HS6ST3: variants seen among roughly 807,000 people sequenced by gnomAD.
HS6ST3 encodes heparan sulfate 6-O-sulfotransferase 3, also known as heparan-sulfate 6-O-sulfotransferase 3.
A neutral mutation model predicts 36.7 loss-of-function variants in HS6ST3; 12 were observed. That is an observed-to-expected ratio of 0.33 (90% CI 0.21 to 0.53). The LOEUF (loss-of-function observed/expected upper bound fraction) is 0.53, where lower values mean the gene tolerates loss of function less well. Among genes scored for constraint, HS6ST3 ranks in the 20% least tolerant of loss-of-function variants. The pLI, the probability that HS6ST3 is intolerant of heterozygous loss-of-function variation, is 0.95. For synonymous variants in HS6ST3, 240 were observed against 257.5 expected (o/e 0.93, Z 0.65); for missense variants, 584 against 640.9 (o/e 0.91, Z 0.96).
intron 1 of HS6ST3, among the ~76,000 whole-genome samples, chr13:96,683,419 A>G (rs1018851200): frequency 2.6e-5 from 4 of 152,140 alleles, no homozygotes; most frequent in African/African-American, 9.6e-5. Flanking sequence ...CATTCTCTAA[A>G]GCAGTCTCTT....
intron 1 of HS6ST3, among the ~76,000 whole-genome samples, chr13:96,692,399 C>T (rs1459324265): frequency 6.6e-6 from 1 of 152,092 alleles, no homozygotes; most frequent in East Asian, 1.9e-4. Flanking sequence ...AAAGTCTGTG[C>T]ATGTTCACTA....
chr13:96,267,825 T>C (rs143520801), intron 1 of HS6ST3, among the ~76,000 whole-genome samples: 1 of 152,090 alleles, frequency 6.6e-6, no homozygotes, highest in Non-Finnish European at 1.5e-5. Context: ...GCAGTTATGT[T>C]GCTCCTGCTG....
intron 1 of HS6ST3, among the ~76,000 whole-genome samples, chr13:96,418,857 G>A (rs6491290): frequency 0.85 from 128,960 of 152,208 alleles, 55,092 homozygotes; most frequent in South Asian, 0.94. Context: ...GTCATTCCAC[G>A]CTTCAGAAAC....
intron 1 of HS6ST3, among the ~76,000 whole-genome samples, chr13:96,539,812 T>C (rs1043087497): frequency 2.0e-5 from 3 of 152,242 alleles, no homozygotes; most frequent in Admixed American, 2.0e-4. Context: ...AAAGCCACGG[T>C]GGCTTCCTTT....
chr13:96,792,298 A>G (rs1877809848), intron 1 of HS6ST3, among the ~76,000 whole-genome samples: 2 of 152,046 alleles, frequency 1.3e-5, no homozygotes, highest in East Asian at 3.9e-4. Context: ...TCTGAATTGG[A>G]AATGACGGTT....
chr13:96,738,266 A>C (rs1205544584), intron 1 of HS6ST3, among the ~76,000 whole-genome samples: 1 of 152,232 alleles, frequency 6.6e-6, no homozygotes, highest in African/African-American at 2.4e-5. Flanking sequence ...ATTGTCCATA[A>C]GATAACAATT....
intron 1 of HS6ST3, among the ~76,000 whole-genome samples, chr13:96,446,295 T>G (rs1212855991): frequency 6.6e-6 from 1 of 152,254 alleles, no homozygotes. Flanking sequence ...AGTTACATTT[T>G]TTTTTCAGAC....
At chr13:96,436,418 TAC>T (rs1347480748) in intron 1 of HS6ST3, among the ~76,000 whole-genome samples, 1 of 152,190 alleles carries the variant, frequency 6.6e-6, no homozygotes, top group African/African-American at 2.4e-5. Context: ...CACAGTACTG[TAC>T]ACAGTTACCA....
At chr13:96,196,985 G>A (rs2054317473) in intron 1 of HS6ST3, among the ~76,000 whole-genome samples, 1 of 152,156 alleles carries the variant, frequency 6.6e-6, no homozygotes, top group Non-Finnish European at 1.5e-5. Context: ...TTATATTTCT[G>A]GCTCTGCCAT....
At chr13:96,630,626 A>C (rs12429344) in intron 1 of HS6ST3, among the ~76,000 whole-genome samples, 1 of 151,692 alleles carries the variant, frequency 6.6e-6, no homozygotes, top group Non-Finnish European at 1.5e-5. Flanking sequence ...TCTTCCTCCT[A>C]TACCCTGACA....
chr13:96,163,290 T>C (rs1015863671), intron 1 of HS6ST3, among the ~76,000 whole-genome samples: 11 of 141,426 alleles, frequency 7.8e-5, no homozygotes, highest in South Asian at 4.6e-4. Flanking sequence ...AGTGCAGTGG[T>C]GCCATCTCGG....
intron 1 of HS6ST3, among the ~76,000 whole-genome samples, chr13:96,569,941 C>A (rs1185330208): frequency 6.6e-6 from 1 of 152,172 alleles, no homozygotes; most frequent in Non-Finnish European, 1.5e-5. Flanking sequence ...ACATAGCTAC[C>A]ATTTCTGTGT....
chr13:96,342,650 T>G (rs2139426655), intron 1 of HS6ST3, among the ~76,000 whole-genome samples: 1 of 152,338 alleles, frequency 6.6e-6, no homozygotes, highest in African/African-American at 2.4e-5. Flanking sequence ...AACCCAGACC[T>G]AATATGTTAA....
chr13:96,344,178 A>G (rs1263424855), intron 1 of HS6ST3, among the ~76,000 whole-genome samples: 1 of 152,220 alleles, frequency 6.6e-6, no homozygotes, highest in Non-Finnish European at 1.5e-5. Context: ...TAACACTTTA[A>G]TATTCCTAAG....
rs180872735 is a variant in HS6ST3 at position 96,360,705 on chromosome 13, G to T, written c.707+269136G>T. On this transcript the variant is annotated intron_variant, in intron 1 of 1. Coordinates refer to ENST00000376705, the MANE Select transcript of HS6ST3 (RefSeq NM_153456.4). ...TCAACGCCTGTAATCCCAGCACTTTGGAAGGCTGAGGCAGGTGGGTCACTT... is the reference window on the plus strand; with the variant it reads ...TCAACGCCTGTAATCCCAGCACTTTTGAAGGCTGAGGCAGGTGGGTCACTT... Among the ~76,000 whole-genome samples, 574 of 150,822 alleles carry T rather than the reference G, an allele frequency of 3.8e-3. 3 individuals carry two copies. The highest frequency in any genetic ancestry group is 0.013 in the African/African-American group (535 of 41,022).
At chr13:96,674,639 C>T (rs1461927677) in intron 1 of HS6ST3, among the ~76,000 whole-genome samples, 1 of 152,026 alleles carries the variant, frequency 6.6e-6, no homozygotes, top group East Asian at 1.9e-4. Flanking sequence ...TTGTTGAGTT[C>T]GCCTCACTGA....
At chr13:96,463,397 CAT>C (rs2055794966) in intron 1 of HS6ST3, among the ~76,000 whole-genome samples, 1 of 151,992 alleles carries the variant, frequency 6.6e-6, no homozygotes, top group African/African-American at 2.4e-5. Context: ...AATAATTAAT[CAT>C]ATGATAAGAG....
intron 1 of HS6ST3, among the ~76,000 whole-genome samples, chr13:96,329,273 C>T (rs372012398): frequency 2.7e-5 from 4 of 145,758 alleles, no homozygotes; most frequent in East Asian, 2.0e-4. Context: ...ATTGTGATGT[C>T]AGGGTGTCAA....
intron 1 of HS6ST3, among the ~76,000 whole-genome samples, chr13:96,224,452 G>A (rs1489069773): frequency 6.6e-6 from 1 of 152,074 alleles, no homozygotes. Context: ...CTGCAGAGTA[G>A]CTGGGACCAT....
Sources: allele counts gnomAD v4.1 joint callset (sites outside exome capture counted in the v4.1 genomes callset), GRCh38; gene constraint gnomAD v4.1.1; transcripts MANE v1.5; gene names NCBI Gene and HGNC (gene_info 2026-07-23, HGNC 2026-07-21).